ATP6V0A1: variants seen among roughly 807,000 people sequenced by gnomAD.
ATP6V0A1 encodes V-type proton ATPase 116 kDa subunit a 1.
A neutral mutation model predicts 105.4 loss-of-function variants in ATP6V0A1; 43 were observed. The observed-to-expected ratio is 0.41, with a 90% CI of 0.32 to 0.53. The LOEUF (loss-of-function observed/expected upper bound fraction) is 0.53, where lower values mean the gene tolerates loss of function less well. ATP6V0A1 is among the 20% of genes least tolerant of loss of function. ATP6V0A1 has a pLI of 0.30. For synonymous variants in ATP6V0A1, 362 were observed against 372.8 expected, an observed-to-expected ratio of 0.97 and a Z score of 0.33; for missense variants, 676 against 1,051.1, an observed-to-expected ratio of 0.64 and a Z score of 4.93.
At chr17:42,460,432 G>A (rs1207654978) in intron 1 of ATP6V0A1, 2 of 157,926 alleles carry the variant, frequency 1.3e-5, no homozygotes, top group African/African-American at 2.4e-5. Context: ...ATCTTTATGA[G>A]AGGGTATTGA....
intron 21 of ATP6V0A1, among the ~76,000 whole-genome samples, chr17:42,517,657 G>A (rs1460996173): frequency 5.3e-5 from 8 of 152,222 alleles, no homozygotes; most frequent in Non-Finnish European, 1.2e-4. Context: ...AAATGCGGCT[G>A]TGCGTCCAGG....
intron 21 of ATP6V0A1, among the ~76,000 whole-genome samples, chr17:42,516,948 A>C (rs1280757971): frequency 6.6e-6 from 1 of 152,242 alleles, no homozygotes; most frequent in Non-Finnish European, 1.5e-5. Context: ...CAGCAAAAGC[A>C]GGTGCTCTAG....
chr17:42,486,282 G>A (rs753219598), intron 9 of ATP6V0A1, among the ~76,000 whole-genome samples: 3 of 151,994 alleles, frequency 2.0e-5, no homozygotes, highest in East Asian at 1.9e-4. Flanking sequence ...ATGGTGGCGC[G>A]CGCCTGTAAT....
In ATP6V0A1 at chr17:42,478,374, T is replaced by C. The variant is rs1031582166; in HGVS notation, c.507-89T>C. 1.1e-5 allele frequency: 10 copies of C among 903,320 alleles called. No homozygotes were observed. The African/African-American group carries it at 1.8e-4, about 16-fold the overall frequency. 56.0% of individuals were successfully genotyped at this position (903,320 alleles called of 1,614,324 possible). ...TTAAAGTATAATAAAAAAAGATATA[T>C]ATATAAATATAAATAAAAAAGACTT... On this transcript the variant is annotated intron_variant, in intron 6 of 21. Coordinates refer to ENST00000343619, the MANE Select transcript of ATP6V0A1 (RefSeq NM_001130021.3).
chr17:42,466,876 G>A (rs531523990), intron 3 of ATP6V0A1, among the ~76,000 whole-genome samples: 14 of 152,318 alleles, frequency 9.2e-5, no homozygotes, highest in South Asian at 8.3e-4. Context: ...GGCTGGGCCC[G>A]GTGGCTCACA....
Position 42,495,688 on chromosome 17 carries a change from G to A in ATP6V0A1, c.1532G>A (p.Gly511Asp). ...QLNPALPGVF[G>D]GPYPFGIDPI... ...AACCCAGCCCTCCCTGGAGTGTTTG[G>A]TGGACCATACCCTTTTGGCATTGAT... The change falls in exon 14 of 22, where the codon GGT (glycine) becomes GAT (aspartate). Residue 511 changes from glycine (G) to aspartate (D), a missense_variant. Coordinates refer to ENST00000343619, the MANE Select transcript of ATP6V0A1 (RefSeq NM_001130021.3). 6.2e-7 allele frequency: 1 copy of A among 1,614,042 alleles called. No individual in the cohort carries two copies. Among genetic ancestry groups the A allele is most frequent in the Non-Finnish European group, 8.5e-7 (1 of 1,179,930 alleles).
intron 18 of ATP6V0A1, among the ~76,000 whole-genome samples, chr17:42,508,322 C>T (rs990699587): frequency 6.6e-5 from 10 of 152,354 alleles, no homozygotes; most frequent in African/African-American, 2.4e-4. Flanking sequence ...TGTCTGACCA[C>T]TTTCACTATA....
chr17:42,496,775 GC>G (rs1251300390), intron 14 of ATP6V0A1, among the ~76,000 whole-genome samples: 3 of 152,114 alleles, frequency 2.0e-5, no homozygotes, highest in Non-Finnish European at 4.4e-5. Context: ...GGAGGAGGTT[GC>G]AGTGAGCCCA....
Position 42,499,026 on chromosome 17 carries a change from A to T in ATP6V0A1, c.1663A>T (p.Ser555Cys), listed in dbSNP as rs745786517. 1.9e-6 allele frequency: 3 copies of T among 1,606,174 alleles called. No homozygotes were observed. Among genetic ancestry groups the T allele is most frequent in the African/African-American group, 1.3e-5 (1 of 74,712 alleles). The change falls in exon 15 of 22, where the codon AGT becomes TGT. Residue 555 changes from serine to cysteine, a missense_variant. Transcript: ENST00000343619. Reference sequence around the variant, plus strand: ...CCATATGCTGTTTGGAGTCAGCCTGAGTCTGTTCAACCATATGTGAGTTGT... The same window carrying T: ...CCATATGCTGTTTGGAGTCAGCCTGTGTCTGTTCAACCATATGTGAGTTGT... ...IIHMLFGVSL[S>C]LFNHIYFKKP...
intron 10 of ATP6V0A1, among the ~76,000 whole-genome samples, chr17:42,488,663 A>G (rs1256849829): frequency 2.0e-5 from 3 of 150,446 alleles, no homozygotes. Flanking sequence ...GGGTTTTGCC[A>G]TGTTGCCCAG....
chr17:42,471,093 A>C (rs565722973), intron 5 of ATP6V0A1: 2 of 151,802 alleles, frequency 1.3e-5, no homozygotes, highest in Admixed American at 6.6e-5. Context: ...ACTGCACTCC[A>C]GCCTGGGCGA....
At chr17:42,476,096 C>G (rs1227915248) in intron 5 of ATP6V0A1, among the ~76,000 whole-genome samples, 4 of 152,130 alleles carry the variant, frequency 2.6e-5, no homozygotes, top group African/African-American at 7.2e-5. Flanking sequence ...ATCCTGAAAA[C>G]AAGTTGCTTG....
intron 16 of ATP6V0A1, 104 bp from the exon 17 acceptor site, chr17:42,501,093 A>T: frequency 8.7e-7 from 1 of 1,144,078 alleles, no homozygotes; most frequent in Non-Finnish European, 1.3e-6. Context: ...TTCATAGATT[A>T]GTAAGAAAGT....
intron 9 of ATP6V0A1, among the ~76,000 whole-genome samples, chr17:42,483,774 G>A (rs1338074687): frequency 6.6e-6 from 1 of 152,134 alleles, no homozygotes; most frequent in East Asian, 1.9e-4. Context: ...TAGAGACAGG[G>A]TTTCACCATG....
chr17:42,508,049 T>C (rs561461219), intron 18 of ATP6V0A1, among the ~76,000 whole-genome samples: 1 of 152,320 alleles, frequency 6.6e-6, no homozygotes, highest in African/African-American at 2.4e-5. Flanking sequence ...CTGGTACTTT[T>C]GAAGTCCTAC....
Position 42,521,971 on chromosome 17 carries a change from C to T in ATP6V0A1, c.*851C>T, listed in dbSNP as rs1437314286. 1.3e-5 allele frequency: 2 copies of T among 152,698 alleles called. No individual in the cohort carries two copies. The highest frequency in any genetic ancestry group is 6.5e-5 in the Admixed American group (1 of 15,296). The allele number at this position is 152,698 out of a possible 1,614,324, so 9.5% of individuals were successfully genotyped here. A position where few individuals can be genotyped will look rare whatever the true frequency, so the allele number is the denominator to read the frequency against. On this transcript the variant is annotated 3_prime_UTR_variant, in exon 22 of 22. Transcript: ENST00000343619. The surrounding 1 kb of genome is among the most constrained non-coding windows in gnomAD (Gnocchi z 4.8). ...GATGGAGACCCTGAGATCTTCCCCA[C>T]CCCCAATCATGATGTCTTCAGTGTG...
At chr17:42,466,224 T>C (rs546097011) in intron 2 of ATP6V0A1, among the ~76,000 whole-genome samples, 9 of 152,188 alleles carry the variant, frequency 5.9e-5, no homozygotes, top group Non-Finnish European at 8.8e-5. Context: ...TCCAGTAATG[T>C]TGCAGCAACG....
intron 11 of ATP6V0A1, among the ~76,000 whole-genome samples, chr17:42,491,133 C>T (rs768141512): frequency 1.5e-4 from 23 of 151,976 alleles, no homozygotes; most frequent in Non-Finnish European, 2.4e-4. Flanking sequence ...TAGTCTTGGA[C>T]TCCTGGGCTC....
At chr17:42,486,786 G>A (rs1234012047) in intron 9 of ATP6V0A1, among the ~76,000 whole-genome samples, 1 of 152,166 alleles carries the variant, frequency 6.6e-6, no homozygotes, top group Non-Finnish European at 1.5e-5. Flanking sequence ...TAATTTGTCA[G>A]CTCCTGGGCT....
Sources: allele counts gnomAD v4.1 joint callset (sites outside exome capture counted in the v4.1 genomes callset), GRCh38; gene constraint gnomAD v4.1.1; non-coding constraint Gnocchi (gnomAD v3.1); transcripts MANE v1.5; gene names NCBI Gene and HGNC (gene_info 2026-07-23, HGNC 2026-07-21).